CARS1: variants seen among roughly 807,000 people sequenced by gnomAD.
CARS1 encodes cysteinyl-tRNA synthetase 1, also known as cysteine--tRNA ligase, cytoplasmic.
In CARS1, 48 loss-of-function variants were observed where a neutral mutation model predicts 106.2. The ratio of observed to expected loss-of-function variants is 0.45; its 90% CI spans 0.36 to 0.57. The LOEUF (loss-of-function observed/expected upper bound fraction) is 0.57. Among genes scored for constraint, CARS1 ranks in the 20% least tolerant of loss-of-function variants. The pLI, the probability that CARS1 is intolerant of heterozygous loss-of-function variation, is 0.00. For synonymous variants in CARS1, 409 were observed against 403.4 expected (o/e 1.01, Z -0.17); for missense variants, 968 against 1,057.2 (o/e 0.92, Z 1.17).
rs1405602966 is a variant in CARS1 at position 3,005,295 on chromosome 11, CTATG to C, written c.2217+67_2217+70del. On this transcript the variant is annotated intron_variant, in intron 20 of 22. Coordinates refer to ENST00000380525, the MANE Select transcript of CARS1 (RefSeq NM_001014437.3). Reference sequence around the variant, plus strand: ...TAAACATCAATGCTTAAAAAGTAAACTATGTAATAATCGCAATGGTTTTTACATT... The same window carrying C: ...TAAACATCAATGCTTAAAAAGTAAACTAATAATCGCAATGGTTTTTACATT... 4.3e-6 allele frequency: 5 copies of C among 1,150,346 alleles called. No individual in the cohort carries two copies. The Admixed American group carries it at 9.3e-5, about 21-fold the overall frequency. The allele number at this position is 1,150,346 out of a possible 1,614,324, so 71.3% of individuals were successfully genotyped here.
Position 3,037,008 on chromosome 11 carries a change from T to C in CARS1, c.801+1042A>G, listed in dbSNP as rs1467337660. Among the ~76,000 whole-genome samples, 2 of 143,476 alleles carry C rather than the reference T, an allele frequency of 1.4e-5. No homozygotes were observed. The highest frequency in any genetic ancestry group is 3.1e-5 in the Non-Finnish European group (2 of 65,226). 94.1% of individuals were successfully genotyped at this position (143,476 alleles called of 152,430 possible). On this transcript the variant is annotated intron_variant, in intron 7 of 22. Coordinates refer to ENST00000380525, the MANE Select transcript of CARS1 (RefSeq NM_001014437.3). The surrounding 1 kb of genome is among the most constrained non-coding windows in gnomAD (Gnocchi z 5.9). ...CTTATGATGTGTGTTTTACCACAATTAAAAAAAAAAAAAGAATATTAGTGG... is the reference window on the plus strand; with the variant it reads ...CTTATGATGTGTGTTTTACCACAATCAAAAAAAAAAAAAGAATATTAGTGG...
rs573190832 is a variant in CARS1, at chr11:3,037,163, C to A, written c.801+887G>T. 8.8e-4 allele frequency among the ~76,000 whole-genome samples: 134 copies of A among 152,322 alleles called. 2 individuals carry two copies. Among genetic ancestry groups the A allele is most frequent in the Non-Finnish European group, 1.4e-3 (94 of 68,028 alleles). Reference sequence around the variant, plus strand: ...GCAGTGACAGTGACCACATGTGGGTCGTCCCAGAAGCACAGCTTGGGTGAA... The same window carrying A: ...GCAGTGACAGTGACCACATGTGGGTAGTCCCAGAAGCACAGCTTGGGTGAA... On this transcript the variant is annotated intron_variant, in intron 7 of 22. Transcript: ENST00000380525. The surrounding 1 kb of genome is among the most constrained non-coding windows in gnomAD (Gnocchi z 5.9).
rs1854799716 is a variant in CARS1 at position 3,043,884 on chromosome 11, A to G, written c.275-1628T>C. Among the ~76,000 whole-genome samples, 1 of 152,162 alleles carries G rather than the reference A, an allele frequency of 6.6e-6. No individual in the cohort carries two copies. The highest frequency in any genetic ancestry group is 1.5e-5 in the Non-Finnish European group (1 of 68,026). ...GACGGAGAGAGGGCCAGTGCTCAGCAGGAGCCCCCACTCTAGGTGAGTTCC... is the reference window on the plus strand; with the variant it reads ...GACGGAGAGAGGGCCAGTGCTCAGCGGGAGCCCCCACTCTAGGTGAGTTCC... On this transcript the variant is annotated intron_variant, in intron 2 of 22. Transcript: ENST00000380525. This position sits in a 1 kb window ranked among gnomAD's most constrained non-coding sequence, Gnocchi z 4.0.
chr11:3,001,883 T>C, intron 22 of CARS1, 87 bp downstream of exon 22: 1 of 1,064,744 alleles, frequency 9.4e-7, no homozygotes, highest in African/African-American at 1.6e-5. Context: ...GAAAATCTGC[T>C]TGTCCAAGGT....
In CARS1 at chr11:3,028,271, A is replaced by G; in HGVS notation, c.1031+725T>C. The G allele has an allele frequency of 2.0e-6, 1 of 494,110 alleles. No homozygotes were observed. Among genetic ancestry groups the G allele is most frequent in the East Asian group, 5.7e-5 (1 of 17,600 alleles). The allele number at this position is 494,110 out of a possible 1,614,324, so 30.6% of individuals were successfully genotyped here. ...AACCTACCCCTTTGTCTTGTATCCA[A>G]TAAATATCAGTGCAGCCTGGCATTC... On this transcript the variant is annotated intron_variant, in intron 9 of 22. Coordinates refer to ENST00000380525, the MANE Select transcript of CARS1 (RefSeq NM_001014437.3). This position sits in a 1 kb window ranked among gnomAD's most constrained non-coding sequence, Gnocchi z 4.4.
chr11:3,017,157 G>A lies in CARS1; in HGVS notation c.1866C>T (p.Pro622=), dbSNP rs943900407. 5.6e-6 allele frequency: 9 copies of A among 1,614,168 alleles called. 1 individual carries two copies. Among genetic ancestry groups the A allele is most frequent in the Non-Finnish European group, 5.9e-6 (7 of 1,180,022 alleles). Residue 622 remains proline, a synonymous_variant, in exon 16 of 23, where the codon CCC becomes CCT. Transcript: ENST00000380525. The surrounding 1 kb of genome is among the most constrained non-coding windows in gnomAD (Gnocchi z 4.9). ...MAARKAVRKR[P]NQALLENIAL... ...CGATGTTCTCCAGCAGAGCCTGGTT[G>A]GGCCTCTTCCTCACGGCTTTCCGGG...
rs1590568500 is a variant in CARS1 at position 3,050,669 on chromosome 11, G to A, written c.26-2668C>T. Among the ~76,000 whole-genome samples the A allele has an allele frequency of 6.6e-6, 1 of 152,154 alleles. No homozygotes were observed. Among genetic ancestry groups the A allele is most frequent in the East Asian group, 1.9e-4 (1 of 5,190 alleles). The stretch of plus-strand genomic sequence containing the variant: ...TCATGCTGGCCATGGGCCCCCACCT[G>A]ACTCACAATACCCTAGTCACATGGC... On this transcript the variant is annotated intron_variant, in intron 1 of 22. Transcript: ENST00000380525. This position sits in a 1 kb window ranked among gnomAD's most constrained non-coding sequence, Gnocchi z 6.3.
chr11:3,026,170 C>T (rs1244044135), intron 10 of CARS1, among the ~76,000 whole-genome samples: 1 of 152,142 alleles, frequency 6.6e-6, no homozygotes, highest in Non-Finnish European at 1.5e-5. Context: ...CAGCATAGAA[C>T]AGTGGTCACC....
At chr11:3,016,314 G>A (rs2134136023) in intron 16 of CARS1, among the ~76,000 whole-genome samples, 1 of 151,498 alleles carries the variant, frequency 6.6e-6, no homozygotes, top group Non-Finnish European at 1.5e-5. Flanking sequence ...TCTGCCTCCT[G>A]GGTTCATGCC....
rs1855896796 is a variant in CARS1, at chr11:3,053,525, C to T, written c.25+3818G>A. Among the ~76,000 whole-genome samples, 2 of 152,290 alleles carry T rather than the reference C, an allele frequency of 1.3e-5. No homozygotes were observed. Among genetic ancestry groups the T allele is most frequent in the East Asian group, 3.9e-4 (2 of 5,176 alleles). On this transcript the variant is annotated intron_variant, in intron 1 of 22. Transcript: ENST00000380525. This position sits in a 1 kb window ranked among gnomAD's most constrained non-coding sequence, Gnocchi z 6.6. ...GGATTACAGACGTGAGCCACCATGC[C>T]TGGCCTCCTGTAAGCATTTAAACCT...
rs977538841 is a variant in CARS1, at chr11:3,017,430, G to A, written c.1728-135C>T. ...GGCTGAGGTGGGCGGATCACCTGAGGTCGGGAGTTCGAGACCAGCCTGACA... is the reference window on the plus strand; with the variant it reads ...GGCTGAGGTGGGCGGATCACCTGAGATCGGGAGTTCGAGACCAGCCTGACA... On this transcript the variant is annotated intron_variant, in intron 15 of 22. Transcript: ENST00000380525. This position sits in a 1 kb window ranked among gnomAD's most constrained non-coding sequence, Gnocchi z 4.9. 2 of 707,062 alleles carry A rather than the reference G, an allele frequency of 2.8e-6. No homozygotes were observed. The highest frequency in any genetic ancestry group is 1.8e-5 in the South Asian group (1 of 56,164). 43.8% of individuals were successfully genotyped at this position (707,062 alleles called of 1,614,324 possible).
chr11:3,017,407 C>A lies in CARS1; in HGVS notation c.1728-112G>T. ...CCTATAATCCCAGCACTTTGGGAGG[C>A]TGAGGTGGGCGGATCACCTGAGGTC... On this transcript the variant is annotated intron_variant, in intron 15 of 22. Transcript: ENST00000380525. This position sits in a 1 kb window ranked among gnomAD's most constrained non-coding sequence, Gnocchi z 4.9. 1.1e-6 allele frequency: 1 copy of A among 912,372 alleles called. No homozygotes were observed. Among genetic ancestry groups the A allele is most frequent in the Non-Finnish European group, 1.7e-6 (1 of 590,540 alleles). 56.5% of individuals were successfully genotyped at this position (912,372 alleles called of 1,614,324 possible).
At position 3,018,262 on chromosome 11, in the gene CARS1, AC is replaced by A. The variant is rs1851238586; in HGVS notation, c.1629+145del. ...TCAGGAGTGGCCCCGAGCCTGTTAT[AC>A]CCACTAGCATGGAGGTGCTTCCACC... On this transcript the variant is annotated intron_variant, in intron 14 of 22. Coordinates refer to ENST00000380525, the MANE Select transcript of CARS1 (RefSeq NM_001014437.3). The A allele has an allele frequency of 8.0e-5, 51 of 637,430 alleles. 1 individual carries two copies. In the South Asian group the frequency reaches 9.1e-4, roughly 11 times the overall value. The allele number at this position is 637,430 out of a possible 1,614,324, so 39.5% of individuals were successfully genotyped here.
In CARS1 at chr11:3,017,251, T is replaced by C. The variant is rs201384773; in HGVS notation, c.1772A>G (p.Asn591Ser). The C allele has an allele frequency of 6.8e-5, 110 of 1,614,146 alleles. 1 individual carries two copies. The highest frequency in any genetic ancestry group is 2.0e-4 in the African/African-American group (15 of 75,054). The part of the protein sequence containing the change: ...KTAIHKALCD[N>S]VDTRTVMEEM... ...TTCCATGACGGTGCGGGTGTCAACA[T>C]TGTCACAGAGGGCTTTGTGAATTGC... is the stretch of plus-strand genomic sequence containing the variant. Residue 591 changes from asparagine to serine, a missense_variant, in exon 16 of 23, where the codon AAT becomes AGT. Asn to Ser is a conservative substitution (Grantham distance 46). Coordinates refer to ENST00000380525, the MANE Select transcript of CARS1 (RefSeq NM_001014437.3). This position sits in a 1 kb window ranked among gnomAD's most constrained non-coding sequence, Gnocchi z 4.9.
In CARS1 at chr11:3,034,761, C is replaced by T. The variant is rs532968903; in HGVS notation, c.801+3289G>A. ...ATGTTGGCCAGGATGGTCTCGATCT[C>T]CTGACCTCGTGATCTGCCCACCTCA... On this transcript the variant is annotated intron_variant, in intron 7 of 22. Transcript: ENST00000380525. The surrounding 1 kb of genome is among the most constrained non-coding windows in gnomAD (Gnocchi z 6.3). Among the ~76,000 whole-genome samples, 25 of 152,080 alleles carry T rather than the reference C, an allele frequency of 1.6e-4. No individual in the cohort carries two copies. The highest frequency in any genetic ancestry group is 6.0e-4 in the African/African-American group (25 of 41,476).
At chr11:3,009,199 T>A (rs115855464) in intron 18 of CARS1, 73 of 152,308 alleles carry the variant, frequency 4.8e-4, no homozygotes, top group African/African-American at 1.7e-3. Flanking sequence ...GTGATGAGAA[T>A]TCTTCCATGG....
rs1041677732 is a variant in CARS1 at position 3,052,991 on chromosome 11, G to A, written c.25+4352C>T. 1.3e-5 allele frequency among the ~76,000 whole-genome samples: 2 copies of A among 152,204 alleles called. No homozygotes were observed. The highest frequency in any genetic ancestry group is 4.8e-5 in the African/African-American group (2 of 41,460). The stretch of plus-strand genomic sequence containing the variant: ...CAGTTCAGTTCATCAACACATTGAG[G>A]GACATGGGAATGTCCCAAAGGTGGA... On this transcript the variant is annotated intron_variant, in intron 1 of 22. Transcript: ENST00000380525. This position sits in a 1 kb window ranked among gnomAD's most constrained non-coding sequence, Gnocchi z 4.6.
In CARS1 at chr11:3,039,238, G is replaced by A; in HGVS notation, c.607C>T (p.Pro203Ser). The change falls in exon 6 of 23, where the codon CCT becomes TCT. Residue 203 changes from proline to serine, a missense_variant. Pro to Ser is a moderately conservative substitution (Grantham distance 74, BLOSUM62 -1). Coordinates refer to ENST00000380525, the MANE Select transcript of CARS1 (RefSeq NM_001014437.3). The surrounding 1 kb of genome is among the most constrained non-coding windows in gnomAD (Gnocchi z 5.6). ...HLFEQYREKR[P>S]EAAQLLEDVQ... ...TCCTCCAAGAGCTGTGCCGCTTCAGGCCTCTTCTCCCGATACTGCTCGAAC... is the reference window on the plus strand; with the variant it reads ...TCCTCCAAGAGCTGTGCCGCTTCAGACCTCTTCTCCCGATACTGCTCGAAC... The A allele has an allele frequency of 6.2e-7, 1 of 1,613,848 alleles. No homozygotes were observed. The highest frequency in any genetic ancestry group is 1.3e-5 in the African/African-American group (1 of 75,028).
chr11:3,018,713 G>A lies in CARS1; in HGVS notation c.1432C>T (p.Leu478=). 6.2e-7 allele frequency: 1 copy of A among 1,614,186 alleles called. No individual in the cohort carries two copies. Among genetic ancestry groups the A allele is most frequent in the East Asian group, 2.2e-5 (1 of 44,884 alleles). ...GCAATGGTCAGGTGGCCTGTGTGCA[G>A]GAAGTACCTGACCCAGCAGTCGTTT... ...FENDCWVRYF[L]HTGHLTIAGC... Residue 478 remains leucine, a synonymous_variant, in exon 13 of 23, where the codon CTG becomes TTG. Coordinates refer to ENST00000380525, the MANE Select transcript of CARS1 (RefSeq NM_001014437.3).
Sources: allele counts gnomAD v4.1 joint callset (sites outside exome capture counted in the v4.1 genomes callset), GRCh38; gene constraint gnomAD v4.1.1; non-coding constraint Gnocchi (gnomAD v3.1); transcripts MANE v1.5; gene names NCBI Gene and HGNC (gene_info 2026-07-23, HGNC 2026-07-21).